NRF1: variants seen among roughly 807,000 people sequenced by gnomAD.
The protein encoded by NRF1 is nuclear respiratory factor 1.
In NRF1, 5 loss-of-function variants were observed where a neutral mutation model predicts 58.5. That is an observed-to-expected ratio of 0.09 (90% CI 0.04 to 0.18). The LOEUF (loss-of-function observed/expected upper bound fraction) is 0.18. Ranked by LOEUF, NRF1 falls within the 10% of genes least tolerant of loss-of-function variation. The pLI is 1.00. For synonymous variants in NRF1, 224 were observed against 246.7 expected, an observed-to-expected ratio of 0.91 and a Z score of 0.86; for missense variants, 288 against 657.7, an observed-to-expected ratio of 0.44 and a Z score of 6.15.
In NRF1 at chr7:129,619,490, G is replaced by GTATATATATATATA. The variant is rs67190499; in HGVS notation, c.-7+7676_-7+7689dup. On this transcript the variant is annotated intron_variant, in intron 1 of 10. Coordinates refer to ENST00000393232, the MANE Select transcript of NRF1 (RefSeq NM_005011.5). ...TGTGTGTGTGTGTGTGTGTGTGTGT[G>GTATATATATATATA]TATATATATATATATATATATATGT... 3.5e-4 allele frequency among the ~76,000 whole-genome samples: 17 copies of GTATATATATATATA among 48,558 alleles called. 1 individual carries two copies. Among genetic ancestry groups the GTATATATATATATA allele is most frequent in the African/African-American group, 6.0e-4 (6 of 9,988 alleles). The allele number at this position is 48,558 out of a possible 152,430, so 31.9% of individuals were successfully genotyped here. A position where few individuals can be genotyped will look rare whatever the true frequency, so the allele number is the denominator to read the frequency against.
chr7:129,667,528 T>C (rs1489790428), intron 2 of NRF1, among the ~76,000 whole-genome samples: 2 of 152,046 alleles, frequency 1.3e-5, no homozygotes, highest in Non-Finnish European at 2.9e-5. Context: ...GTATTGTAAT[T>C]ATTTTCTCCC....
intron 10 of NRF1, among the ~76,000 whole-genome samples, chr7:129,754,533 G>C (rs1435931851): frequency 1.4e-5 from 2 of 145,558 alleles, no homozygotes; most frequent in Admixed American, 6.9e-5. Flanking sequence ...TAGAATAATA[G>C]TTACCAGAGT....
intron 1 of NRF1, among the ~76,000 whole-genome samples, chr7:129,612,316 C>T (rs1221331755): frequency 1.2e-4 from 17 of 146,830 alleles, no homozygotes; most frequent in African/African-American, 4.3e-4. Flanking sequence ...GGGCGGGCGG[C>T]GCGGTGGGGC....
At chr7:129,637,716 T>C (rs1361101290) in intron 1 of NRF1, among the ~76,000 whole-genome samples, 1 of 152,200 alleles carries the variant, frequency 6.6e-6, no homozygotes, top group Non-Finnish European at 1.5e-5. Flanking sequence ...TTTTTTTGTG[T>C]GTCAATACAC....
chr7:129,672,102 A>G (rs888285208), intron 3 of NRF1, among the ~76,000 whole-genome samples: 1 of 151,916 alleles, frequency 6.6e-6, no homozygotes, highest in Non-Finnish European at 1.5e-5. Context: ...ATCAAGAGCA[A>G]AGGCCCCGAG....
In NRF1 at chr7:129,657,432, C is replaced by G; in HGVS notation, c.81C>G (p.Val27=). Residue 27 remains valine (V), a synonymous_variant, in exon 2 of 11, where the codon GTC becomes GTG. Coordinates refer to ENST00000393232, the MANE Select transcript of NRF1 (RefSeq NM_005011.5). The part of the protein sequence containing the change: ...AHAVAQQVQQ[V]HVATYTEHSM... ...CAGTGGCCCAGCAAGTGCAGCAGGT[C>G]CATGTGGCTACTTACACCGAGCATA... 1.9e-6 allele frequency: 3 copies of G among 1,613,982 alleles called. No homozygotes were observed. The South Asian group carries it at 3.3e-5, about 18-fold the overall frequency.
chr7:129,647,420 T>TG (rs1396073189), intron 1 of NRF1, among the ~76,000 whole-genome samples: 1 of 149,052 alleles, frequency 6.7e-6, no homozygotes, highest in Non-Finnish European at 1.5e-5. Context: ...TTTTTTTTTT[T>TG]GAGACAGAGT....
At chr7:129,682,524 G>T (rs759043080) in intron 4 of NRF1, among the ~76,000 whole-genome samples, 1 of 148,084 alleles carries the variant, frequency 6.8e-6, no homozygotes, top group East Asian at 2.0e-4. Flanking sequence ...ATCCTTGCCA[G>T]ATCAACAAAG....
chr7:129,719,744 A>T (rs1467760575), intron 9 of NRF1, among the ~76,000 whole-genome samples: 1 of 152,130 alleles, frequency 6.6e-6, no homozygotes, highest in African/African-American at 2.4e-5. Flanking sequence ...TCTTTGAGAG[A>T]AACACCCAGA....
chr7:129,658,596 GAAAAA>G (rs35139001), intron 2 of NRF1, among the ~76,000 whole-genome samples: 229 of 112,390 alleles, frequency 2.0e-3, no homozygotes, highest in African/African-American at 7.5e-3. Context: ...GTGTCCAGTT[GAAAAA>G]AAAAAAAAAA....
At chr7:129,665,725 G>A (rs1446212586) in intron 2 of NRF1, among the ~76,000 whole-genome samples, 1 of 152,124 alleles carries the variant, frequency 6.6e-6, no homozygotes, top group African/African-American at 2.4e-5. Flanking sequence ...CTTGGGCTCA[G>A]ATGATCCTCC....
chr7:129,665,734 C>T (rs183359265), intron 2 of NRF1, among the ~76,000 whole-genome samples: 2 of 152,186 alleles, frequency 1.3e-5, no homozygotes, highest in East Asian at 1.9e-4. Context: ...AGATGATCCT[C>T]CCACCTCATC....
chr7:129,619,350 TA>T (rs1191977631), intron 1 of NRF1, among the ~76,000 whole-genome samples: 198 of 108,694 alleles, frequency 1.8e-3, no homozygotes, highest in African/African-American at 2.7e-3. Context: ...TCGTATCTAT[TA>T]AAAAAAAAAA....
intron 1 of NRF1, among the ~76,000 whole-genome samples, chr7:129,637,275 A>G (rs565604268): frequency 1.1e-4 from 17 of 151,936 alleles, no homozygotes; most frequent in African/African-American, 3.6e-4. Context: ...AAGAAGAAGA[A>G]GATTCATTGG....
intron 4 of NRF1, among the ~76,000 whole-genome samples, chr7:129,682,628 T>G (rs982273148): frequency 2.0e-5 from 2 of 99,772 alleles, no homozygotes; most frequent in Non-Finnish European, 4.1e-5. Context: ...TGCAAAAAAA[T>G]GTAAAAAAAA....
chr7:129,676,547 A>G (rs897578945), intron 3 of NRF1, among the ~76,000 whole-genome samples: 4 of 152,260 alleles, frequency 2.6e-5, no homozygotes, highest in Non-Finnish European at 4.4e-5. Flanking sequence ...AACACACACA[A>G]CATTTATCAG....
At chr7:129,673,666 G>A (rs1240318387) in intron 3 of NRF1, among the ~76,000 whole-genome samples, 2 of 136,336 alleles carry the variant, frequency 1.5e-5, no homozygotes, top group Non-Finnish European at 3.0e-5. Flanking sequence ...GCAGTGAGCG[G>A]AGATCGCGCC....
chr7:129,684,162 C>T (rs1030548315), intron 4 of NRF1, among the ~76,000 whole-genome samples: 8 of 151,796 alleles, frequency 5.3e-5, no homozygotes, highest in African/African-American at 1.5e-4. Flanking sequence ...AATAAATAAA[C>T]GTGAAAGAAA....
intron 1 of NRF1, among the ~76,000 whole-genome samples, chr7:129,621,254 A>G (rs75172830): frequency 0.026 from 4,006 of 152,268 alleles, 62 homozygotes; most frequent in Middle Eastern, 0.075. Flanking sequence ...AAATAAATTA[A>G]TGCCACTTGG....
Sources: allele counts gnomAD v4.1 joint callset (sites outside exome capture counted in the v4.1 genomes callset), GRCh38; gene constraint gnomAD v4.1.1; transcripts MANE v1.5; gene names NCBI Gene and HGNC (gene_info 2026-07-23, HGNC 2026-07-21).